AGMO: variants seen among roughly 807,000 people sequenced by gnomAD.
The protein encoded by AGMO is glyceryl-ether monooxygenase.
A neutral mutation model predicts 60.2 loss-of-function variants in AGMO; 75 were observed. That is an observed-to-expected ratio of 1.25 (90% CI 1.03 to 1.51). The LOEUF is 1.51. Among genes scored for constraint, AGMO ranks in the 40% most tolerant of loss-of-function variants. AGMO has a pLI of 0.00. For missense variants in AGMO, 763 were observed against 525.5 expected (o/e 1.45, Z -4.42); for synonymous variants, 261 against 177.1 (o/e 1.47, Z -3.76).
chr7:15,479,188 G>C (rs1782682237), intron 3 of AGMO, among the ~76,000 whole-genome samples: 1 of 152,132 alleles, frequency 6.6e-6, no homozygotes, highest in African/African-American at 2.4e-5. Context: ...GTGTGAAAAA[G>C]AGGGGACAAC....
At chr7:15,139,615 T>C in the AGMO span, among the ~76,000 whole-genome samples, 1 of 147,138 alleles carries the variant, frequency 6.8e-6, no homozygotes, top group Non-Finnish European at 1.5e-5. Flanking sequence ...GGTAGTGACA[T>C]TATAGATTTT....
intron 12 of AGMO, among the ~76,000 whole-genome samples, chr7:15,222,267 G>A (rs1185684756): frequency 2.0e-5 from 3 of 151,916 alleles, no homozygotes. Context: ...TCAATAATTG[G>A]TGATTTATTT....
At chr7:15,416,658 C>T (rs1326622100) in intron 5 of AGMO, among the ~76,000 whole-genome samples, 2 of 152,108 alleles carry the variant, frequency 1.3e-5, no homozygotes, top group African/African-American at 4.8e-5. Context: ...GTCATCTCTA[C>T]AGCTCGCATA....
At position 15,281,938 on chromosome 7, in the gene AGMO, C is replaced by T. The variant is rs574952145; in HGVS notation, c.1264-80579G>A. Among the ~76,000 whole-genome samples, 22 of 152,232 alleles carry T rather than the reference C, an allele frequency of 1.4e-4. 1 individual carries two copies. Among genetic ancestry groups the T allele is most frequent in the Middle Eastern group, 3.4e-3 (1 of 294 alleles). On this transcript the variant is annotated intron_variant, in intron 12 of 12. Transcript: ENST00000342526. ...CAATGAGCATCTGAGAAAGCTACTA[C>T]AAAAAGGCCCTCTATAGCCTAGGAA...
intron 3 of AGMO, among the ~76,000 whole-genome samples, chr7:15,455,645 T>G (rs890087114): frequency 3.3e-5 from 5 of 152,164 alleles, no homozygotes; most frequent in African/African-American, 1.2e-4. Context: ...TTTATTCTAT[T>G]CACATGCTTG....
At chr7:15,521,603 A>T (rs2128535877) in intron 3 of AGMO, among the ~76,000 whole-genome samples, 1 of 152,304 alleles carries the variant, frequency 6.6e-6, no homozygotes. Context: ...AAAACACATG[A>T]TTATCTCAAT....
intron 12 of AGMO, among the ~76,000 whole-genome samples, chr7:15,354,439 T>TGTGTGTATAC (rs1782414676): frequency 4.8e-5 from 1 of 20,824 alleles, no homozygotes; most frequent in Non-Finnish European, 7.5e-5. Flanking sequence ...CGTGTGTGTA[T>TGTGTGTATAC]ACACACGTGT....
chr7:15,436,888 A>C (rs1781418123), intron 3 of AGMO, among the ~76,000 whole-genome samples: 1 of 152,192 alleles, frequency 6.6e-6, no homozygotes, highest in Non-Finnish European at 1.5e-5. Flanking sequence ...GATAGTGCGA[A>C]ATTTCTTGAA....
rs1554265132 is a variant in AGMO, at chr7:15,387,921, T to TC, written c.823-382dup. On this transcript the variant is annotated intron_variant, in intron 8 of 12. Transcript: ENST00000342526. Reference sequence around the variant, plus strand: ...CACATTCTCTTTTTTTTTTTTTTTTTCCCCAAGACAGAGTCTCGCTCTGTT... The same window carrying TC: ...CACATTCTCTTTTTTTTTTTTTTTTTCCCCCAAGACAGAGTCTCGCTCTGTT... 6.5e-3 allele frequency among the ~76,000 whole-genome samples: 957 copies of TC among 146,814 alleles called. 3 individuals carry two copies. The highest frequency in any genetic ancestry group is 9.7e-3 in the African/African-American group (375 of 38,600).
the AGMO span, among the ~76,000 whole-genome samples, chr7:15,179,619 G>C: frequency 6.6e-6 from 1 of 152,106 alleles, no homozygotes; most frequent in Non-Finnish European, 1.5e-5. Context: ...TTGGGTTGAA[G>C]TTGCACACTT....
At chr7:15,551,940 C>G (rs2115299471) in intron 2 of AGMO, among the ~76,000 whole-genome samples, 1 of 151,424 alleles carries the variant, frequency 6.6e-6, no homozygotes, top group African/African-American at 2.4e-5. Flanking sequence ...CTACAGTAAC[C>G]AAAACAGCAT....
At chr7:15,435,171 A>C (rs562022363) in intron 3 of AGMO, among the ~76,000 whole-genome samples, 1 of 152,270 alleles carries the variant, frequency 6.6e-6, no homozygotes, top group African/African-American at 2.4e-5. Flanking sequence ...AGTTCTATCA[A>C]GTAGTTATCA....
At chr7:15,130,255 T>C in the AGMO span, among the ~76,000 whole-genome samples, 1 of 152,068 alleles carries the variant, frequency 6.6e-6, no homozygotes, top group South Asian at 2.1e-4. Flanking sequence ...TTCCTTTTTT[T>C]CTTTCATGTT....
At chr7:15,139,820 CA>C in the AGMO span, among the ~76,000 whole-genome samples, 816 of 66,286 alleles carry the variant, frequency 0.012, 12 homozygotes, top group African/African-American at 0.026. Context: ...TCTCAAAAGA[CA>C]AAAAAAAAAA....
intron 3 of AGMO, among the ~76,000 whole-genome samples, chr7:15,438,524 C>T (rs945351598): frequency 1.3e-5 from 2 of 152,202 alleles, no homozygotes; most frequent in South Asian, 4.1e-4. Flanking sequence ...TAGCCCCTTA[C>T]CACCTTGATA....
chr7:15,353,369 T>C (rs1275864408), intron 12 of AGMO, among the ~76,000 whole-genome samples: 1 of 152,076 alleles, frequency 6.6e-6, no homozygotes, highest in Non-Finnish European at 1.5e-5. Flanking sequence ...ATCCAAACAA[T>C]CTAATTAATG....
At chr7:15,256,361 G>A (rs1304612219) in intron 12 of AGMO, among the ~76,000 whole-genome samples, 1 of 151,602 alleles carries the variant, frequency 6.6e-6, no homozygotes, top group Non-Finnish European at 1.5e-5. Context: ...TTATTTTTTT[G>A]AGACGGAGTC....
chr7:15,472,203 C>T (rs1023447075), intron 3 of AGMO, among the ~76,000 whole-genome samples: 13 of 151,892 alleles, frequency 8.6e-5, no homozygotes, highest in East Asian at 1.9e-4. Flanking sequence ...TCCTGTCAAC[C>T]TTTGGGTTGA....
intron 3 of AGMO, among the ~76,000 whole-genome samples, chr7:15,517,691 G>C (rs986181321): frequency 1.3e-5 from 2 of 152,084 alleles, no homozygotes; most frequent in African/African-American, 2.4e-5. Flanking sequence ...ATTTCCTTGG[G>C]TGCCTACACT....
Sources: gnomAD v4.1 joint callset for allele counts (sites outside exome capture counted in the v4.1 genomes callset) on GRCh38, gnomAD v4.1.1 for gene constraint, MANE v1.5 for transcripts, NCBI Gene and HGNC (gene_info 2026-07-23, HGNC 2026-07-21) for gene names.